The following PCDHA1 variants were observed in gnomAD, a reference collection of about 807,000 sequenced individuals.
The protein encoded by PCDHA1 is protocadherin alpha 1.
Under a neutral mutation model 61.3 loss-of-function variants are expected in PCDHA1, and 42 were observed. The ratio of observed to expected loss-of-function variants is 0.69; its 90% confidence interval spans 0.54 to 0.89. The LOEUF (loss-of-function observed/expected upper bound fraction) is 0.89. Among genes scored for constraint, PCDHA1 ranks in the 40% least tolerant of loss-of-function variants. The probability of loss-of-function intolerance (pLI) is 0.00; values close to 1 mark genes in which losing one functional copy is unlikely to be tolerated. For missense variants in PCDHA1, 1,256 were observed against 1,235.3 expected (o/e 1.02, Z -0.25); for synonymous variants, 610 against 553.8 (o/e 1.10, Z -1.43).
chr5:140,870,353 T>C lies in PCDHA1; in HGVS notation c.2394+81669T>C, dbSNP rs782038424. On this transcript the variant is annotated intron_variant, in intron 1 of 3. Transcript: ENST00000504120. ...GACAGCGCCCTGGACCGCGAGAACG[T>C]GTGGGCCTATGAACTGGTGGTGACT... is the stretch of plus-strand genomic sequence containing the variant. The C allele has an allele frequency of 3.7e-6, 6 of 1,614,002 alleles. No homozygotes were observed. The Admixed American group carries it at 8.3e-5, about 22-fold the overall frequency.
rs376697527 is a variant in PCDHA1, at chr5:140,912,219, T to G, written c.2395-66730T>G. ...CCCAGATTGAGGGTAGATCTGCCTT[T>G]CCCAGTCCACTGACTCAAATGTTAA... On this transcript the variant is annotated intron_variant, in intron 1 of 3. Transcript: ENST00000504120. 4.3e-4 allele frequency among the ~76,000 whole-genome samples: 66 copies of G among 152,026 alleles called. 1 individual carries two copies. In the South Asian group the frequency reaches 0.013, roughly 30 times the overall value.
intron 1 of PCDHA1, chr5:140,807,015 A>T: frequency 1.3e-6 from 1 of 792,124 alleles, no homozygotes; most frequent in Non-Finnish European, 2.0e-6. Context: ...CACAAAATAC[A>T]TGAGAGAAGG....
chr5:140,995,379 G>T (rs1300023701), intron 3 of PCDHA1, among the ~76,000 whole-genome samples: 2 of 152,172 alleles, frequency 1.3e-5, no homozygotes, highest in East Asian at 1.9e-4. Context: ...CACGTACTGG[G>T]CAGGATAAAG....
chr5:140,872,755 C>A (rs1415992998), intron 1 of PCDHA1, among the ~76,000 whole-genome samples: 2 of 152,118 alleles, frequency 1.3e-5, no homozygotes, highest in African/African-American at 4.8e-5. Flanking sequence ...TAAAGACATG[C>A]ATATAGGGCT....
At chr5:140,991,025 A>G (rs1440890555) in intron 3 of PCDHA1, among the ~76,000 whole-genome samples, 2 of 152,208 alleles carry the variant, frequency 1.3e-5, no homozygotes, top group African/African-American at 4.8e-5. Flanking sequence ...CACTTTACAT[A>G]TGTTGCATAC....
At chr5:140,913,789 T>C (rs2076466373) in intron 1 of PCDHA1, among the ~76,000 whole-genome samples, 1 of 152,176 alleles carries the variant, frequency 6.6e-6, no homozygotes, top group African/African-American at 2.4e-5. Context: ...CCATTATCAT[T>C]TGTTTGAATC....
At chr5:140,829,657 G>A (rs1554132157) in intron 1 of PCDHA1, 2 of 1,612,592 alleles carry the variant, frequency 1.2e-6, no homozygotes, top group Non-Finnish European at 1.7e-6. Flanking sequence ...CGCTGCAGCC[G>A]CTGGACCACG....
intron 1 of PCDHA1, among the ~76,000 whole-genome samples, chr5:140,893,124 CA>C (rs2063834148): frequency 2.0e-5 from 3 of 152,298 alleles, no homozygotes; most frequent in Admixed American, 1.3e-4. Flanking sequence ...ATATACACCA[CA>C]TTTTCTTTAT....
At chr5:140,849,667 C>T in intron 1 of PCDHA1, 1 of 1,598,692 alleles carries the variant, frequency 6.3e-7, no homozygotes, top group South Asian at 1.1e-5. Context: ...TCCCTGACGC[C>T]CCACGTCCCC....
chr5:140,991,482 G>A (rs781952323), intron 3 of PCDHA1, among the ~76,000 whole-genome samples: 3 of 152,204 alleles, frequency 2.0e-5, no homozygotes, highest in Non-Finnish European at 4.4e-5. Flanking sequence ...CTGGAAGTCA[G>A]AAGTCCACAG....
chr5:140,807,924 T>G (rs1245397116), intron 1 of PCDHA1: 2 of 1,614,036 alleles, frequency 1.2e-6, no homozygotes, highest in Non-Finnish European at 1.7e-6. Flanking sequence ...GACAGAACCA[T>G]TTATAAGGTG....
chr5:140,995,206 G>A (rs1179914547), intron 3 of PCDHA1, among the ~76,000 whole-genome samples: 2 of 151,988 alleles, frequency 1.3e-5, no homozygotes, highest in African/African-American at 2.4e-5. Context: ...TATAAATTAG[G>A]CACAATACTC....
intron 1 of PCDHA1, among the ~76,000 whole-genome samples, chr5:140,898,111 T>C (rs1319791706): frequency 6.6e-6 from 1 of 152,184 alleles, no homozygotes; most frequent in Non-Finnish European, 1.5e-5. Context: ...ATGAGTAGGT[T>C]GCGAAAATTT....
rs200121350 is a variant in PCDHA1 at position 140,876,941 on chromosome 5, T to C, written c.2394+88257T>C. The C allele has an allele frequency of 7.9e-5, 128 of 1,613,666 alleles. No individual in the cohort carries two copies. The Middle Eastern group carries it at 1.4e-3, about 17-fold the overall frequency. ...GCGGACGCGCAGAAGAACGCGCTGGTGTCCTACTCGCTGGTGGAGCGGCGG... is the reference window on the plus strand; with the variant it reads ...GCGGACGCGCAGAAGAACGCGCTGGCGTCCTACTCGCTGGTGGAGCGGCGG... On this transcript the variant is annotated intron_variant, in intron 1 of 3. Coordinates refer to ENST00000504120, the MANE Select transcript of PCDHA1 (RefSeq NM_018900.4).
Position 140,809,694 on chromosome 5 carries a change from A to G in PCDHA1, c.2394+21010A>G, listed in dbSNP as rs1581705402. On this transcript the variant is annotated intron_variant, in intron 1 of 3. Transcript: ENST00000504120. ...AAATTTTACCTCTTTTTACATATCC[A>G]TTTTAACTAAAGTCTTTTGGAATTA... 2.5e-6 allele frequency: 3 copies of G among 1,188,996 alleles called. No homozygotes were observed. The South Asian group carries it at 4.7e-5, about 19-fold the overall frequency. 73.7% of individuals were successfully genotyped at this position (1,188,996 alleles called of 1,614,324 possible). A position where few individuals can be genotyped will look rare whatever the true frequency, so the allele number is the denominator to read the frequency against.
chr5:140,907,761 T>C (rs1554193135), intron 1 of PCDHA1, among the ~76,000 whole-genome samples: 4 of 152,182 alleles, frequency 2.6e-5, no homozygotes, highest in African/African-American at 9.7e-5. Flanking sequence ...ATGGGCCCAT[T>C]GGGTGATGAC....
chr5:140,892,219 A>T (rs1248122428), intron 1 of PCDHA1, among the ~76,000 whole-genome samples: 2 of 152,118 alleles, frequency 1.3e-5, no homozygotes, highest in Non-Finnish European at 2.9e-5. Flanking sequence ...TTGTATCTTT[A>T]TGGTGTTTTG....
chr5:140,819,846 C>A (rs1169501411), intron 1 of PCDHA1, among the ~76,000 whole-genome samples: 1 of 151,938 alleles, frequency 6.6e-6, no homozygotes, highest in Non-Finnish European at 1.5e-5. Flanking sequence ...ACTTTTTCTC[C>A]ATTGAGTATA....
rs782074489 is a variant in PCDHA1, at chr5:140,802,254, CA to C, written c.2394+13572del. ...TGATAATGTACCTGAGTTAGTTATT[CA>C]ATCACTATCTTTACCTGTATTAGAA... is the stretch of plus-strand genomic sequence containing the variant. On this transcript the variant is annotated intron_variant, in intron 1 of 3. Coordinates refer to ENST00000504120, the MANE Select transcript of PCDHA1 (RefSeq NM_018900.4). 1.9e-6 allele frequency: 3 copies of C among 1,614,102 alleles called. No homozygotes were observed. The African/African-American group carries it at 4.0e-5, about 22-fold the overall frequency.
Sources: gnomAD v4.1 joint callset for allele counts (sites outside exome capture counted in the v4.1 genomes callset) on GRCh38, gnomAD v4.1.1 for gene constraint, MANE v1.5 for transcripts, NCBI Gene and HGNC (gene_info 2026-07-23, HGNC 2026-07-21) for gene names.